PAFAH1B2: variants seen among roughly 807,000 people sequenced by gnomAD.
The protein encoded by PAFAH1B2 is platelet activating factor acetylhydrolase 1b catalytic subunit 2, also known as platelet-activating factor acetylhydrolase IB subunit alpha2.
In PAFAH1B2, 8 loss-of-function variants were observed where a neutral mutation model predicts 28.0. That is an observed-to-expected ratio of 0.29 (90% CI 0.17 to 0.52). The LOEUF (loss-of-function observed/expected upper bound fraction) is 0.52. Among genes scored for constraint, PAFAH1B2 ranks in the 20% least tolerant of loss-of-function variants. The probability of loss-of-function intolerance (pLI) is 0.97; values close to 1 mark genes in which losing one functional copy is unlikely to be tolerated. For missense variants in PAFAH1B2, 190 were observed against 282.6 expected (o/e 0.67, Z 2.35); for synonymous variants, 104 against 103.2 (o/e 1.01, Z -0.05).
chr11:117,147,223 G>A (rs1184311452), intron 1 of PAFAH1B2, among the ~76,000 whole-genome samples: 3 of 152,118 alleles, frequency 2.0e-5, no homozygotes, highest in Admixed American at 6.6e-5. Flanking sequence ...AGCCAAGGTC[G>A]CGCCGTTGTA....
chr11:117,161,595 G>A (rs571152069), intron 4 of PAFAH1B2, among the ~76,000 whole-genome samples: 2 of 148,912 alleles, frequency 1.3e-5, no homozygotes, highest in South Asian at 4.3e-4. Flanking sequence ...TGCAACCTCC[G>A]CCTCCTGGGT....
At position 117,144,357 on chromosome 11, in the gene PAFAH1B2, C is replaced by T. The variant is rs1446310568; in HGVS notation, c.-69C>T. The T allele has an allele frequency of 7.2e-6, 3 of 418,566 alleles. No homozygotes were observed. Among genetic ancestry groups the T allele is most frequent in the Non-Finnish European group, 9.7e-6 (2 of 205,540 alleles). The allele number at this position is 418,566 out of a possible 1,614,324, so 25.9% of individuals were successfully genotyped here. On this transcript the variant is annotated 5_prime_UTR_variant, in exon 1 of 6. Transcript: ENST00000527958. ...AGCGGGACCGACGGGACCGAGCGAG[C>T]GACCGACGCGCCACCCGCCGACGCC...
At chr11:117,154,942 C>T (rs1013711195) in intron 2 of PAFAH1B2, among the ~76,000 whole-genome samples, 4 of 152,006 alleles carry the variant, frequency 2.6e-5, no homozygotes, top group African/African-American at 7.2e-5. Flanking sequence ...GTTATTCTCT[C>T]GGCTTTTGTA....
At chr11:117,177,439 G>T (rs910608564), downstream of PAFAH1B2, among the ~76,000 whole-genome samples, 5 of 152,078 alleles carry the variant, frequency 3.3e-5, no homozygotes, top group Admixed American at 2.0e-4. Flanking sequence ...TTTAAAATTT[G>T]CCCTGCTTTC....
downstream of PAFAH1B2, chr11:117,175,710 T>A: frequency 8.7e-7 from 1 of 1,154,040 alleles, no homozygotes; most frequent in Non-Finnish European, 1.2e-6. Flanking sequence ...CAAGATGAAT[T>A]AAGTGTGAAG....
chr11:117,168,529 G>A lies in PAFAH1B2; in HGVS notation c.*830G>A, dbSNP rs973921030. 3.2e-5 allele frequency: 33 copies of A among 1,027,906 alleles called. No homozygotes were observed. Among genetic ancestry groups the A allele is most frequent in the Middle Eastern group, 4.5e-4 (1 of 2,204 alleles). 63.7% of individuals were successfully genotyped at this position (1,027,906 alleles called of 1,614,324 possible). ...TTTTTGACCTAGGAGCCCTGTTGCT[G>A]GAAGTATAGTCTCCAGCCAGTTACT... On this transcript the variant is annotated 3_prime_UTR_variant, in exon 6 of 6. Coordinates refer to ENST00000527958, the MANE Select transcript of PAFAH1B2 (RefSeq NM_002572.4).
rs747423610 is a variant in PAFAH1B2, at chr11:117,163,803, G to A, written c.322G>A (p.Glu108Lys). 5.0e-6 allele frequency: 8 copies of A among 1,613,708 alleles called. No homozygotes were observed. The highest frequency in any genetic ancestry group is 1.7e-6 in the Non-Finnish European group (2 of 1,179,902). Residue 108 changes from glutamate (E) to lysine (K), a missense_variant, in exon 5 of 6, where the codon GAA (glutamate) becomes AAA (lysine). Glu to Lys is a moderately conservative substitution (Grantham distance 56, BLOSUM62 1). Transcript: ENST00000527958. ...IVVWVGTNNH[E>K]NTAEEVAGGI... is the part of the protein sequence containing the mutation. ...TGTCTGGGTAGGAACAAATAACCACGAAAATACAGCAGAAGAAGTAGCAGG... is the reference window on the plus strand; with the variant it reads ...TGTCTGGGTAGGAACAAATAACCACAAAAATACAGCAGAAGAAGTAGCAGG...
chr11:117,147,896 T>A (rs1274975231), intron 1 of PAFAH1B2, among the ~76,000 whole-genome samples: 1 of 152,224 alleles, frequency 6.6e-6, no homozygotes, highest in East Asian at 1.9e-4. Context: ...TCGGTTTCTC[T>A]ATGTGTATGC....
At chr11:117,172,385 TA>T (rs1956683776), downstream of PAFAH1B2, among the ~76,000 whole-genome samples, 10 of 2,282 alleles carry the variant, frequency 4.4e-3, no homozygotes, top group South Asian at 0.032. Flanking sequence ...TATATATATA[TA>T]TATATATATA....
intron 5 of PAFAH1B2, among the ~76,000 whole-genome samples, chr11:117,165,708 T>C (rs914521649): frequency 2.6e-5 from 4 of 152,124 alleles, no homozygotes; most frequent in African/African-American, 7.2e-5. Flanking sequence ...GAAGGTATTA[T>C]AGAAAAATAA....
In PAFAH1B2 at chr11:117,167,881, A is replaced by G; in HGVS notation, c.*182A>G. 2 of 1,216,754 alleles carry G rather than the reference A, an allele frequency of 1.6e-6. No homozygotes were observed. The highest frequency in any genetic ancestry group is 2.1e-6 in the Non-Finnish European group (2 of 974,942). The allele number at this position is 1,216,754 out of a possible 1,614,324, so 75.4% of individuals were successfully genotyped here. A position where few individuals can be genotyped will look rare whatever the true frequency, so the allele number is the denominator to read the frequency against. On this transcript the variant is annotated 3_prime_UTR_variant, in exon 6 of 6. Transcript: ENST00000527958. ...CCTGTACATAGAAGGTTTGTTTGAC[A>G]GAGGAGAAAAATTAGCCAAGGAAGA... is the stretch of plus-strand genomic sequence containing the variant.
chr11:117,170,562 A>C lies in PAFAH1B2; in HGVS notation c.*2863A>C. The stretch of plus-strand genomic sequence containing the variant: ...GCCTAAACCAGAATCTTTTGTCAGA[A>C]ACCTTAACCCAACAAAACAAATCTT... On this transcript the variant is annotated 3_prime_UTR_variant, in exon 6 of 6. Transcript: ENST00000527958. The C allele has an allele frequency of 1.9e-6, 2 of 1,059,554 alleles. No homozygotes were observed. The highest frequency in any genetic ancestry group is 2.3e-6 in the Non-Finnish European group (2 of 876,162). The allele number at this position is 1,059,554 out of a possible 1,614,324, so 65.6% of individuals were successfully genotyped here. A position where few individuals can be genotyped will look rare whatever the true frequency, so the allele number is the denominator to read the frequency against.
intron 4 of PAFAH1B2, among the ~76,000 whole-genome samples, 158 bp from the exon 5 acceptor site, chr11:117,163,612 G>C (rs1289294096): frequency 6.6e-6 from 1 of 151,744 alleles, no homozygotes; most frequent in Non-Finnish European, 1.5e-5. Context: ...GGCGGAGGTT[G>C]CAGTGAGCCG....
At chr11:117,147,409 G>C (rs1276254320) in intron 1 of PAFAH1B2, among the ~76,000 whole-genome samples, 1 of 152,170 alleles carries the variant, frequency 6.6e-6, no homozygotes, top group Non-Finnish European at 1.5e-5. Context: ...TGTTACCCAG[G>C]CTGGTCTCAA....
intron 5 of PAFAH1B2, among the ~76,000 whole-genome samples, chr11:117,165,879 GC>G (rs1433108807): frequency 6.7e-6 from 1 of 149,860 alleles, no homozygotes; most frequent in Non-Finnish European, 1.5e-5. Flanking sequence ...TCGCTCTACT[GC>G]CCAGGCTGGA....
intron 1 of PAFAH1B2, among the ~76,000 whole-genome samples, chr11:117,149,429 C>CCTTTTTTTTTT (rs1565260556): frequency 3.0e-5 from 1 of 33,518 alleles, no homozygotes; most frequent in Admixed American, 2.8e-4. Context: ...GTTTTCTAAT[C>CCTTTTTTTTTT]GTTTTTTTTT....
rs188998050 is a variant in PAFAH1B2 at position 117,170,904 on chromosome 11, T to A, written c.*3205T>A. 14 of 1,060,158 alleles carry A rather than the reference T, an allele frequency of 1.3e-5. No individual in the cohort carries two copies. The East Asian group carries it at 6.7e-4, about 51-fold the overall frequency. 65.7% of individuals were successfully genotyped at this position (1,060,158 alleles called of 1,614,324 possible). A position where few individuals can be genotyped will look rare whatever the true frequency, so the allele number is the denominator to read the frequency against. ...AGGGGTCCCCCAGGTTTCTTGGTGT[T>A]CCTGCTTGGGGATCACTGCTGCTAG... On this transcript the variant is annotated 3_prime_UTR_variant, in exon 6 of 6. Transcript: ENST00000527958.
At chr11:117,177,288 ATAAAAT>A (rs943369615), downstream of PAFAH1B2, among the ~76,000 whole-genome samples, 1 of 152,204 alleles carries the variant, frequency 6.6e-6, no homozygotes, top group Non-Finnish European at 1.5e-5. Flanking sequence ...AATATAAAAA[ATAAAAT>A]TTAAGAACCA....
In PAFAH1B2 at chr11:117,167,818, T is replaced by C; in HGVS notation, c.*119T>C. ...ATTGTAGAATGTTCCTGGATGTTCA[T>C]ATCTAGTGTTTGAAGGGGAGGAGGG... On this transcript the variant is annotated 3_prime_UTR_variant, in exon 6 of 6. Transcript: ENST00000527958. The C allele has an allele frequency of 7.7e-7, 1 of 1,298,376 alleles. No individual in the cohort carries two copies. Among genetic ancestry groups the C allele is most frequent in the Non-Finnish European group, 9.8e-7 (1 of 1,015,752 alleles). 80.4% of individuals were successfully genotyped at this position (1,298,376 alleles called of 1,614,324 possible). A position where few individuals can be genotyped will look rare whatever the true frequency, so the allele number is the denominator to read the frequency against.
Sources: allele counts gnomAD v4.1 joint callset (sites outside exome capture counted in the v4.1 genomes callset), GRCh38; gene constraint gnomAD v4.1.1; transcripts MANE v1.5; gene names NCBI Gene and HGNC (gene_info 2026-07-23, HGNC 2026-07-21).